The following GPR35 variants were observed in gnomAD, a reference collection of about 807,000 sequenced individuals.
The protein encoded by GPR35 is KYNA receptor.
For missense variants in GPR35, 372 were observed against 422.5 expected, an observed-to-expected ratio of 0.88 and a Z score of 1.05; for synonymous variants, 207 against 198.4, an observed-to-expected ratio of 1.04 and a Z score of -0.36.
At chr2:240,619,120 G>C in intron 5 of GPR35, 3 of 656,134 alleles carry the variant, frequency 4.6e-6, no homozygotes, top group Non-Finnish European at 8.3e-6. Flanking sequence ...CCACCTGCCT[G>C]GGGGTTTGTG....
Position 240,630,938 on chromosome 2 carries a change from T to A in GPR35, c.*56T>A. 2 of 1,457,132 alleles carry A rather than the reference T, an allele frequency of 1.4e-6. No homozygotes were observed. The highest frequency in any genetic ancestry group is 1.9e-6 in the Non-Finnish European group (2 of 1,056,440). 90.3% of individuals were successfully genotyped at this position (1,457,132 alleles called of 1,614,324 possible). A position where few individuals can be genotyped will look rare whatever the true frequency, so the allele number is the denominator to read the frequency against. ...CTCGGGGGCTCCGGGAGGTGCTGCCTGCCAGGGGAAGCTGGAACCAGTAGC... is the reference window on the plus strand; with the variant it reads ...CTCGGGGGCTCCGGGAGGTGCTGCCAGCCAGGGGAAGCTGGAACCAGTAGC... On this transcript the variant is annotated 3_prime_UTR_variant, in exon 2 of 2. Coordinates refer to ENST00000407714, the MANE Select transcript of GPR35 (RefSeq NM_005301.5).
At chr2:240,620,939 A>G (rs1316970043), upstream of GPR35, among the ~76,000 whole-genome samples, 1 of 152,234 alleles carries the variant, frequency 6.6e-6, no homozygotes, top group African/African-American at 2.4e-5. Context: ...CCAGCCCCTC[A>G]CAGTGACACC....
chr2:240,611,414 C>T (rs1458730616), intron 2 of GPR35, among the ~76,000 whole-genome samples: 1 of 152,156 alleles, frequency 6.6e-6, no homozygotes, highest in African/African-American at 2.4e-5. Context: ...TCTTTTTCTG[C>T]CTTCTTTTGG....
upstream of GPR35, among the ~76,000 whole-genome samples, chr2:240,624,293 C>T (rs2043343693): frequency 6.6e-6 from 1 of 152,132 alleles, no homozygotes; most frequent in African/African-American, 2.4e-5. Context: ...CATCATGGCC[C>T]ATGGAGACTG....
chr2:240,622,014 A>G (rs1011572595), upstream of GPR35, among the ~76,000 whole-genome samples: 40 of 151,334 alleles, frequency 2.6e-4, no homozygotes, highest in African/African-American at 8.5e-4. Context: ...CTGGGATTAC[A>G]GGCATGCACC....
In GPR35 at chr2:240,611,856, G is replaced by A. The variant is rs1401584685; in HGVS notation, c.-576-4532G>A. ...TGAATGAATGGGAACAAGGTAGTCT[G>A]TGGATGCAGAACGTGCGATGGGACA... On this transcript the variant is annotated intron_variant, in intron 2 of 5. Coordinates refer to the GPR35 transcript ENST00000319838. Among the ~76,000 whole-genome samples the A allele has an allele frequency of 2.6e-5, 4 of 152,176 alleles. No homozygotes were observed. The East Asian group carries it at 7.7e-4, about 29-fold the overall frequency.
chr2:240,628,347 A>T (rs1408969926), intron 1 of GPR35: 3 of 152,248 alleles, frequency 2.0e-5, no homozygotes, highest in Admixed American at 2.0e-4. Flanking sequence ...TTGCTCATGA[A>T]TCAGAGAGAA....
intron 2 of GPR35, among the ~76,000 whole-genome samples, chr2:240,610,788 C>T (rs1177412877): frequency 1.3e-5 from 2 of 151,878 alleles, no homozygotes; most frequent in African/African-American, 4.8e-5. Context: ...GCGCCCGCCA[C>T]CACGCCCGGC....
At chr2:240,621,341 G>A (rs1053755103), upstream of GPR35, among the ~76,000 whole-genome samples, 2 of 152,096 alleles carry the variant, frequency 1.3e-5, no homozygotes, top group Non-Finnish European at 2.9e-5. Context: ...CACAACCTCC[G>A]CCTCCCGGGT....
At chr2:240,620,347 G>A (rs979773117) in intron 5 of GPR35, among the ~76,000 whole-genome samples, 1 of 152,156 alleles carries the variant, frequency 6.6e-6, no homozygotes, top group Non-Finnish European at 1.5e-5. Flanking sequence ...CCCATAGGCT[G>A]GGTGAAGGTG....
intron 4 of GPR35, among the ~76,000 whole-genome samples, chr2:240,618,348 G>A (rs1367498509): frequency 6.6e-6 from 1 of 152,198 alleles, no homozygotes; most frequent in African/African-American, 2.4e-5. Context: ...CTTGGGTTGT[G>A]TCGACGTACA....
Position 240,613,746 on chromosome 2 carries a change from C to T in GPR35, c.-576-2642C>T, listed in dbSNP as rs139984256. Among the ~76,000 whole-genome samples, 307 of 152,092 alleles carry T rather than the reference C, an allele frequency of 2.0e-3. 1 individual carries two copies. The highest frequency in any genetic ancestry group is 7.1e-3 in the African/African-American group (296 of 41,472). On this transcript the variant is annotated intron_variant, in intron 2 of 5. Coordinates refer to the GPR35 transcript ENST00000319838. ...TAATTAACAATGCCTCATATGGACCCGAACCCTAACCCTAACCGAAACCCT... is the reference window on the plus strand; with the variant it reads ...TAATTAACAATGCCTCATATGGACCTGAACCCTAACCCTAACCGAAACCCT...
upstream of GPR35, chr2:240,625,409 C>T: frequency 2.0e-6 from 2 of 985,452 alleles, no homozygotes; most frequent in Non-Finnish European, 2.4e-6. Flanking sequence ...CGTCAGTCAG[C>T]CGCCCGCCCC....
At chr2:240,618,263 C>G (rs1346150558) in intron 4 of GPR35, among the ~76,000 whole-genome samples, 2 of 152,182 alleles carry the variant, frequency 1.3e-5, no homozygotes, top group Non-Finnish European at 2.9e-5. Flanking sequence ...TTCAAAATGA[C>G]TTTACCAACA....
rs2043423663 is a variant in GPR35 at position 240,630,164 on chromosome 2, G to GCACCTTGCCCTTCGTGCTGCA, written c.214_234dup (p.Thr72_His78dup). On this transcript the variant is annotated inframe_insertion, in exon 2 of 2. Coordinates refer to ENST00000407714, the MANE Select transcript of GPR35 (RefSeq NM_005301.5). ...GCGGTGGCCGACCTCTGCCTGCTGT[G>GCACCTTGCCCTTCGTGCTGCA]CACCTTGCCCTTCGTGCTGCACTCC... is the stretch of plus-strand genomic sequence containing the variant. 1 of 1,596,036 alleles carries GCACCTTGCCCTTCGTGCTGCA rather than the reference G, an allele frequency of 6.3e-7. No homozygotes were observed.
Position 240,630,888 on chromosome 2 carries a change from G to A in GPR35, c.*6G>A, listed in dbSNP as rs781236677. 54 of 1,605,152 alleles carry A rather than the reference G, an allele frequency of 3.4e-5. 1 individual carries two copies. The highest frequency in any genetic ancestry group is 3.2e-4 in the South Asian group (29 of 90,968). On this transcript the variant is annotated 3_prime_UTR_variant, in exon 2 of 2. Coordinates refer to ENST00000407714, the MANE Select transcript of GPR35 (RefSeq NM_005301.5). ...TGTGCGTGACCCTCGCCTAAGAGGC[G>A]TGCTGTGGGCGCTGTGGGCCAGGTC...
intron 1 of GPR35, chr2:240,629,630 A>T: frequency 3.6e-6 from 1 of 275,082 alleles, no homozygotes. Flanking sequence ...TGCGCTCTGG[A>T]GGGTAGGGCT....
At chr2:240,625,435 G>A (rs2043357692), upstream of GPR35, 5 of 985,600 alleles carry the variant, frequency 5.1e-6, no homozygotes, top group Non-Finnish European at 6.0e-6. Flanking sequence ...CTTAAGGAGG[G>A]GCAGAGTCAG....
upstream of GPR35, among the ~76,000 whole-genome samples, chr2:240,622,032 G>A (rs1458647776): frequency 3.4e-5 from 5 of 145,114 alleles, no homozygotes; most frequent in South Asian, 8.4e-4. Context: ...ACCCCCATGC[G>A]TGGCTGATTT....
Sources: gnomAD v4.1 joint callset for allele counts (sites outside exome capture counted in the v4.1 genomes callset) on GRCh38, gnomAD v4.1.1 for gene constraint, MANE v1.5 for transcripts, NCBI Gene and HGNC (gene_info 2026-07-23, HGNC 2026-07-21) for gene names.